HFM1: variants seen among roughly 807,000 people sequenced by gnomAD.
HFM1 encodes helicase for meiosis 1.
Under a neutral mutation model 192.1 loss-of-function variants are expected in HFM1, and 169 were observed. The observed-to-expected ratio is 0.88, with a 90% CI of 0.78 to 1.00. HFM1 has a LOEUF of 1.00. Among genes scored for constraint, HFM1 ranks in the 50% least tolerant of loss-of-function variants. The pLI is 0.00. For missense variants in HFM1, 1,661 were observed against 1,668.0 expected, an observed-to-expected ratio of 1.00 and a Z score of 0.07; for synonymous variants, 525 against 537.8, an observed-to-expected ratio of 0.98 and a Z score of 0.33.
intron 30 of HFM1, among the ~76,000 whole-genome samples, chr1:91,304,401 C>G (rs1014717731): frequency 5.9e-5 from 9 of 152,036 alleles, no homozygotes; most frequent in Non-Finnish European, 1.2e-4. Flanking sequence ...GAAACTGTTG[C>G]CTTGTACAAG....
At chr1:91,347,360 C>T in intron 19 of HFM1, 69 bp downstream of exon 19, 3 of 825,034 alleles carry the variant, frequency 3.6e-6, no homozygotes, top group Non-Finnish European at 5.6e-6. Context: ...CATATTCTTA[C>T]TTTCACAATA....
chr1:91,263,976 C>A (rs1041575915), intron 36 of HFM1, among the ~76,000 whole-genome samples: 2 of 152,150 alleles, frequency 1.3e-5, no homozygotes, highest in Non-Finnish European at 2.9e-5. Context: ...CTTTTTGCTT[C>A]TCTACACCTA....
intron 13 of HFM1, among the ~76,000 whole-genome samples, chr1:91,358,276 T>G (rs1484396697): frequency 2.0e-5 from 3 of 150,118 alleles, no homozygotes; most frequent in African/African-American, 7.4e-5. Flanking sequence ...AGAGCAAGAC[T>G]CCATCTCAAA....
At chr1:91,305,326 A>G (rs1649438657) in intron 30 of HFM1, among the ~76,000 whole-genome samples, 1 of 152,190 alleles carries the variant, frequency 6.6e-6, no homozygotes, top group African/African-American at 2.4e-5. Flanking sequence ...ATTTATTTAG[A>G]ACTTCTTTAA....
chr1:91,322,512 T>G (rs767295748), intron 23 of HFM1, among the ~76,000 whole-genome samples: 87 of 152,094 alleles, frequency 5.7e-4, no homozygotes, highest in Non-Finnish European at 1.1e-3. Flanking sequence ...CTGTACAAAC[T>G]CCCCATTTTT....
intron 36 of HFM1, among the ~76,000 whole-genome samples, chr1:91,265,329 T>G (rs1219789295): frequency 6.6e-6 from 1 of 152,182 alleles, no homozygotes; most frequent in Non-Finnish European, 1.5e-5. Context: ...TTAAAAATAA[T>G]AAGATATCAC....
Position 91,292,285 on chromosome 1 carries a change from T to C in HFM1, c.3392-15223A>G, listed in dbSNP as rs1283014880. Among the ~76,000 whole-genome samples, 22 of 108,482 alleles carry C rather than the reference T, an allele frequency of 2.0e-4. 1 individual carries two copies. The highest frequency in any genetic ancestry group is 8.1e-4 in the African/African-American group (22 of 27,086). 71.2% of individuals were successfully genotyped at this position (108,482 alleles called of 152,430 possible). On this transcript the variant is annotated intron_variant, in intron 30 of 38. Transcript: ENST00000370425. ...TTGTCCCTGTTTGCAGATGACATGATTGTATATCTAGAAAACCCCATTGTC... is the reference window on the plus strand; with the variant it reads ...TTGTCCCTGTTTGCAGATGACATGACTGTATATCTAGAAAACCCCATTGTC...
intron 4 of HFM1, among the ~76,000 whole-genome samples, chr1:91,393,233 T>C (rs951915190): frequency 1.1e-4 from 17 of 152,302 alleles, no homozygotes; most frequent in African/African-American, 4.1e-4. Context: ...CCATTCTCCA[T>C]AATTTATTCC....
intron 18 of HFM1, 53 bp downstream of exon 18, chr1:91,350,685 C>A (rs757915124): frequency 7.9e-5 from 123 of 1,550,882 alleles, no homozygotes; most frequent in Non-Finnish European, 1.0e-4. Context: ...AGTATAAATA[C>A]AGGCCTAGCT....
intron 13 of HFM1, among the ~76,000 whole-genome samples, chr1:91,365,742 G>T (rs542297199): frequency 6.6e-6 from 1 of 151,996 alleles, no homozygotes; most frequent in South Asian, 2.1e-4. Context: ...AAGAGGAAAG[G>T]CATGTTACTA....
At chr1:91,401,866 C>A (rs973459899) in intron 1 of HFM1, among the ~76,000 whole-genome samples, 101 of 151,786 alleles carry the variant, frequency 6.7e-4, no homozygotes, top group African/African-American at 2.4e-3. Context: ...CAGCATTGGC[C>A]ACCTTTGAAC....
At chr1:91,308,672 G>A (rs1163699058) in intron 30 of HFM1, among the ~76,000 whole-genome samples, 1 of 152,072 alleles carries the variant, frequency 6.6e-6, no homozygotes, top group East Asian at 1.9e-4. Flanking sequence ...TGAATATCTA[G>A]GACTACCAGT....
chr1:91,373,607 G>A (rs190156852), intron 13 of HFM1, among the ~76,000 whole-genome samples: 9 of 151,690 alleles, frequency 5.9e-5, no homozygotes, highest in African/African-American at 1.9e-4. Flanking sequence ...ACAATAGTGA[G>A]TGAGTTTTTG....
chr1:91,285,752 T>C (rs979124955), intron 30 of HFM1, among the ~76,000 whole-genome samples: 1 of 152,206 alleles, frequency 6.6e-6, no homozygotes, highest in Admixed American at 6.5e-5. Flanking sequence ...CCGAAAATAT[T>C]ACATGAAAAT....
chr1:91,383,768 G>A (rs1459223358), intron 6 of HFM1, among the ~76,000 whole-genome samples: 3 of 152,074 alleles, frequency 2.0e-5, no homozygotes, highest in South Asian at 4.1e-4. Context: ...TATTTGAACT[G>A]CTTAAAAAAT....
At chr1:91,292,521 A>G (rs1668890575) in intron 30 of HFM1, among the ~76,000 whole-genome samples, 2 of 151,494 alleles carry the variant, frequency 1.3e-5, no homozygotes, top group African/African-American at 4.9e-5. Flanking sequence ...CTTCAAGGAG[A>G]ACTACAAACC....
At chr1:91,372,883 G>T (rs1404124374) in intron 13 of HFM1, among the ~76,000 whole-genome samples, 1 of 151,962 alleles carries the variant, frequency 6.6e-6, no homozygotes, top group Admixed American at 6.6e-5. Context: ...TTTTGACTGT[G>T]AGCTCTTTGT....
intron 20 of HFM1, chr1:91,328,539 G>A: frequency 8.1e-6 from 13 of 1,612,688 alleles, no homozygotes; most frequent in Non-Finnish European, 1.0e-5. Flanking sequence ...GGGATGTGCT[G>A]CAGAACGAGG....
chr1:91,285,028 G>T (rs1667809825), intron 30 of HFM1, among the ~76,000 whole-genome samples: 1 of 152,110 alleles, frequency 6.6e-6, no homozygotes, highest in South Asian at 2.1e-4. Flanking sequence ...AGTCTCACAA[G>T]ATTTGATGAT....
Sources: allele counts gnomAD v4.1 joint callset (sites outside exome capture counted in the v4.1 genomes callset), GRCh38; gene constraint gnomAD v4.1.1; transcripts MANE v1.5; gene names NCBI Gene and HGNC (gene_info 2026-07-23, HGNC 2026-07-21).